ZFAT: variants seen among roughly 807,000 people sequenced by gnomAD.
The protein encoded by ZFAT is zinc finger and AT-hook domain containing, also known as zinc finger protein ZFAT.
A neutral mutation model predicts 117.7 loss-of-function variants in ZFAT; 64 were observed. That is an observed-to-expected ratio of 0.54 (90% CI 0.44 to 0.67). ZFAT has a LOEUF of 0.67. Ranked by LOEUF, ZFAT falls within the 30% of genes least tolerant of loss-of-function variation. The pLI is 0.00. For missense variants in ZFAT, 1,433 were observed against 1,584.5 expected (o/e 0.90, Z 1.62); for synonymous variants, 679 against 615.0 (o/e 1.10, Z -1.54).
intron 1 of ZFAT, among the ~76,000 whole-genome samples, chr8:134,686,033 C>T (rs1481335343): frequency 6.6e-6 from 1 of 152,186 alleles, no homozygotes; most frequent in Non-Finnish European, 1.5e-5. Flanking sequence ...GACCCCGCTG[C>T]CCTTCCTAGG....
chr8:134,578,106 C>A (rs1825444878), intron 10 of ZFAT, among the ~76,000 whole-genome samples: 1 of 152,042 alleles, frequency 6.6e-6, no homozygotes, highest in Admixed American at 6.6e-5. Context: ...ACATACCTGG[C>A]AGGTGTGAGG....
At chr8:134,743,083 G>A in the ZFAT span, among the ~76,000 whole-genome samples, 595 of 152,358 alleles carry the variant, frequency 3.9e-3, 5 homozygotes, top group African/African-American at 0.013. Flanking sequence ...AAAAGTGGCC[G>A]ATCCATGACT....
chr8:134,632,272 T>C (rs1829940190), intron 3 of ZFAT, among the ~76,000 whole-genome samples: 1 of 152,230 alleles, frequency 6.6e-6, no homozygotes, highest in Non-Finnish European at 1.5e-5. Context: ...CTTAGTAACA[T>C]TTTTGTTTCT....
At chr8:134,796,640 G>A in the ZFAT span, 1 of 152,016 alleles carries the variant, frequency 6.6e-6, no homozygotes, top group Non-Finnish European at 1.5e-5. Context: ...CATGATGATG[G>A]GTTAATAAAG....
At chr8:134,517,804 T>C (rs1295536260) in intron 13 of ZFAT, among the ~76,000 whole-genome samples, 1 of 152,190 alleles carries the variant, frequency 6.6e-6, no homozygotes, top group African/African-American at 2.4e-5. Flanking sequence ...CACCCATCAT[T>C]TGGATTTGTC....
intron 13 of ZFAT, among the ~76,000 whole-genome samples, chr8:134,513,876 A>C (rs1186696103): frequency 6.6e-6 from 1 of 152,256 alleles, no homozygotes; most frequent in Non-Finnish European, 1.5e-5. Context: ...CCTGACATAT[A>C]GTAGTCACCC....
At chr8:134,586,803 A>G (rs1051398845) in intron 9 of ZFAT, among the ~76,000 whole-genome samples, 2 of 152,246 alleles carry the variant, frequency 1.3e-5, no homozygotes, top group Non-Finnish European at 2.9e-5. Flanking sequence ...AGAAGAGAAG[A>G]GCAAGGGTTT....
the ZFAT span, among the ~76,000 whole-genome samples, chr8:134,755,178 C>G: frequency 6.7e-6 from 1 of 149,464 alleles, no homozygotes; most frequent in African/African-American, 2.5e-5. Context: ...CCGAGGCAGG[C>G]GGATTGCCTG....
At chr8:134,530,823 T>C (rs1377786406) in intron 12 of ZFAT, among the ~76,000 whole-genome samples, 5 of 152,100 alleles carry the variant, frequency 3.3e-5, no homozygotes, top group Non-Finnish European at 7.4e-5. Context: ...ACTATTCACA[T>C]GGCATTTACA....
chr8:134,641,553 G>C (rs574546063), intron 2 of ZFAT, among the ~76,000 whole-genome samples: 4 of 152,274 alleles, frequency 2.6e-5, no homozygotes, highest in African/African-American at 9.6e-5. Flanking sequence ...ACACACGTAG[G>C]GTGTGTATGC....
At chr8:134,671,632 C>A (rs1832567400) in intron 1 of ZFAT, among the ~76,000 whole-genome samples, 1 of 152,200 alleles carries the variant, frequency 6.6e-6, no homozygotes. Flanking sequence ...TTATGACTAA[C>A]CCACAGCCAA....
Position 134,649,505 on chromosome 8 carries a change from G to T in ZFAT, c.196+8056C>A, listed in dbSNP as rs571425367. 2.6e-5 allele frequency among the ~76,000 whole-genome samples: 4 copies of T among 152,170 alleles called. No homozygotes were observed. In the East Asian group the frequency reaches 7.7e-4, roughly 29 times the overall value. On this transcript the variant is annotated intron_variant, in intron 2 of 15. Coordinates refer to ENST00000377838, the MANE Select transcript of ZFAT (RefSeq NM_020863.4). ...TCACAAGATCTAATAAACAAGTCCAGCAAAATTGCAGGATAAAATATCTAT... is the reference window on the plus strand; with the variant it reads ...TCACAAGATCTAATAAACAAGTCCATCAAAATTGCAGGATAAAATATCTAT...
At chr8:134,741,593 G>A in the ZFAT span, among the ~76,000 whole-genome samples, 5 of 151,970 alleles carry the variant, frequency 3.3e-5, no homozygotes, top group African/African-American at 1.2e-4. Context: ...CCATGTCTCT[G>A]TTCTCACCAT....
intron 13 of ZFAT, among the ~76,000 whole-genome samples, chr8:134,520,125 G>GGAAACACT (rs1272834087): frequency 3.3e-5 from 5 of 152,258 alleles, no homozygotes; most frequent in Non-Finnish European, 7.3e-5. Context: ...TTTACCCCCA[G>GGAAACACT]GAAACACTGA....
chr8:134,600,508 G>A lies in ZFAT; in HGVS notation c.2403C>T (p.Pro801=), dbSNP rs1247812644. ...QKHSNILLKC[P]TDGCDYSTPD... is the part of the protein sequence containing the mutation. The stretch of plus-strand genomic sequence containing the variant: ...GAGTTGAGTAGTCACAGCCATCGGT[G>A]GGACACTTCAGCAAGATGTTACTGT... The change falls in exon 7 of 16, where the codon CCC becomes CCT. Residue 801 remains proline, a synonymous_variant. Coordinates refer to ENST00000377838, the MANE Select transcript of ZFAT (RefSeq NM_020863.4). 1 of 1,614,164 alleles carries A rather than the reference G, an allele frequency of 6.2e-7. No individual in the cohort carries two copies. The highest frequency in any genetic ancestry group is 2.2e-5 in the East Asian group (1 of 44,886).
the ZFAT span, among the ~76,000 whole-genome samples, chr8:134,750,714 C>T: frequency 2.0e-5 from 3 of 152,080 alleles, no homozygotes; most frequent in Non-Finnish European, 2.9e-5. Context: ...TGCAGTGAGC[C>T]GTGATTGCAC....
chr8:134,809,205 G>A, the ZFAT span, among the ~76,000 whole-genome samples: 33 of 152,266 alleles, frequency 2.2e-4, no homozygotes, highest in East Asian at 4.6e-3. Flanking sequence ...AACCAGCAGC[G>A]TCAGCATGGC....
the ZFAT span, among the ~76,000 whole-genome samples, chr8:134,759,970 C>CAAA: frequency 0.013 from 684 of 53,010 alleles, 34 homozygotes; most frequent in East Asian, 0.035. Flanking sequence ...GACTCCGTCT[C>CAAA]AAAAAAAAAA....
the ZFAT span, among the ~76,000 whole-genome samples, chr8:134,780,299 A>G: frequency 6.6e-6 from 1 of 152,064 alleles, no homozygotes; most frequent in African/African-American, 2.4e-5. Flanking sequence ...CTAATCTTCC[A>G]AGACACACAC....
Sources: allele counts gnomAD v4.1 joint callset (sites outside exome capture counted in the v4.1 genomes callset), GRCh38; gene constraint gnomAD v4.1.1; transcripts MANE v1.5; gene names NCBI Gene and HGNC (gene_info 2026-07-23, HGNC 2026-07-21).